Variants in PCDHA10 observed in about 807,000 individuals in gnomAD.
The protein encoded by PCDHA10 is protocadherin alpha-10.
PCDHA10 carries 45 observed loss-of-function variants against 61.2 expected under a neutral mutation model. The observed-to-expected ratio is 0.74, with a 90% CI of 0.58 to 0.94. The LOEUF is 0.94. Ranked by LOEUF, PCDHA10 falls within the 40% of genes least tolerant of loss-of-function variation. The pLI is 0.00. For missense variants in PCDHA10, 1,278 were observed against 1,236.2 expected (o/e 1.03, Z -0.51); for synonymous variants, 602 against 548.8 (o/e 1.10, Z -1.35).
intron 1 of PCDHA10, among the ~76,000 whole-genome samples, chr5:140,910,377 C>T (rs1053075333): frequency 6.6e-6 from 1 of 152,244 alleles, no homozygotes; most frequent in East Asian, 1.9e-4. Flanking sequence ...GCCCACCTTG[C>T]CTTTGACAGT....
chr5:140,992,017 C>CTGTGTGTGTGTG (rs10602499), intron 3 of PCDHA10, among the ~76,000 whole-genome samples: 10 of 145,628 alleles, frequency 6.9e-5, no homozygotes, highest in African/African-American at 2.3e-4. Flanking sequence ...AGAGGTGGCT[C>CTGTGTGTGTGTG]TGTGTGTGTG....
chr5:140,919,455 ATGT>A (rs2079137711), intron 1 of PCDHA10, among the ~76,000 whole-genome samples: 1 of 152,118 alleles, frequency 6.6e-6, no homozygotes, highest in Admixed American at 6.5e-5. Flanking sequence ...TATTCACATG[ATGT>A]TACTATTGAT....
chr5:140,898,843 C>G (rs1449030828), intron 1 of PCDHA10, among the ~76,000 whole-genome samples: 17 of 152,100 alleles, frequency 1.1e-4, no homozygotes, highest in Non-Finnish European at 1.3e-4. Context: ...TCTTCCATTT[C>G]TTTGTATCCT....
chr5:140,981,603 C>T (rs1213864255), intron 2 of PCDHA10, among the ~76,000 whole-genome samples: 4 of 152,052 alleles, frequency 2.6e-5, no homozygotes, highest in Non-Finnish European at 5.9e-5. Context: ...CAAAATGTTC[C>T]TCTAATTTTG....
chr5:140,938,014 T>C (rs1554211943), intron 1 of PCDHA10, among the ~76,000 whole-genome samples: 6 of 152,220 alleles, frequency 3.9e-5, no homozygotes. Context: ...TCTTGCTAAA[T>C]AGTAAAATCT....
intron 2 of PCDHA10, among the ~76,000 whole-genome samples, chr5:140,981,605 C>CT (rs1444386694): frequency 1.1e-4 from 17 of 152,174 alleles, no homozygotes; most frequent in African/African-American, 2.9e-4. Context: ...AAATGTTCCT[C>CT]TAATTTTGAT....
chr5:140,916,229 A>G (rs2077489205), intron 1 of PCDHA10, among the ~76,000 whole-genome samples: 2 of 152,190 alleles, frequency 1.3e-5, no homozygotes, highest in African/African-American at 4.8e-5. Flanking sequence ...TATGCTTTCC[A>G]GGAGCCAAAG....
chr5:140,879,064 G>C (rs1389510074), intron 1 of PCDHA10, among the ~76,000 whole-genome samples: 1 of 152,214 alleles, frequency 6.6e-6, no homozygotes, highest in South Asian at 2.1e-4. Flanking sequence ...TACCAAGAAA[G>C]TGTTAAGAGA....
At chr5:140,974,426 G>T (rs1417085676) in intron 1 of PCDHA10, among the ~76,000 whole-genome samples, 1 of 152,152 alleles carries the variant, frequency 6.6e-6, no homozygotes, top group Non-Finnish European at 1.5e-5. Flanking sequence ...TTACTTTCCT[G>T]GTTTGTAAAT....
chr5:140,924,830 G>A (rs1240824600), intron 1 of PCDHA10, among the ~76,000 whole-genome samples: 1 of 151,612 alleles, frequency 6.6e-6, no homozygotes, highest in African/African-American at 2.4e-5. Flanking sequence ...GGGAGGGGGA[G>A]GTTGCAGGGA....
intron 1 of PCDHA10, among the ~76,000 whole-genome samples, chr5:140,952,656 T>A (rs1554220534): frequency 6.6e-6 from 1 of 152,188 alleles, no homozygotes; most frequent in Admixed American, 6.5e-5. Flanking sequence ...GTTACCCAGT[T>A]CCAAAGTCAC....
At chr5:140,869,479 A>G (rs781927972) in intron 1 of PCDHA10, 35 of 1,614,086 alleles carry the variant, frequency 2.2e-5, no homozygotes, top group Middle Eastern at 1.6e-4. Context: ...GGTGAAGGAC[A>G]TTAACGACAA....
At position 140,920,535 on chromosome 5, in the gene PCDHA10, T is replaced by C. The variant is rs75447697; in HGVS notation, c.2389-58414T>C. ...TATGCAATTCGTTAGACTCAGGTTT[T>C]CTATTTCACCTTCGAAGTGTGGCCC... is the stretch of plus-strand genomic sequence containing the variant. On this transcript the variant is annotated intron_variant, in intron 1 of 3. Transcript: ENST00000307360. Among the ~76,000 whole-genome samples the C allele has an allele frequency of 1.3e-3, 198 of 152,336 alleles. 1 individual carries two copies. Among genetic ancestry groups the C allele is most frequent in the African/African-American group, 4.5e-3 (189 of 41,590 alleles).
intron 1 of PCDHA10, chr5:140,927,596 G>A (rs374002981): frequency 2.5e-6 from 4 of 1,614,044 alleles, no homozygotes; most frequent in African/African-American, 2.7e-5. Context: ...GTATTTGAGC[G>A]CTCCGTATAC....
Position 140,883,460 on chromosome 5 carries a change from G to C in PCDHA10, c.2388+25024G>C, listed in dbSNP as rs1554178305. 4 of 1,614,138 alleles carry C rather than the reference G, an allele frequency of 2.5e-6. No individual in the cohort carries two copies. The African/African-American group carries it at 5.3e-5, about 22-fold the overall frequency. On this transcript the variant is annotated intron_variant, in intron 1 of 3. Transcript: ENST00000307360. Reference sequence around the variant, plus strand: ...GACGCCGCATGTCCCCTTCAAGCTGGTGTCCACCTACAAGAACTACTACTC... The same window carrying C: ...GACGCCGCATGTCCCCTTCAAGCTGCTGTCCACCTACAAGAACTACTACTC...
At chr5:140,955,522 C>A (rs1467341493) in intron 1 of PCDHA10, among the ~76,000 whole-genome samples, 5 of 152,180 alleles carry the variant, frequency 3.3e-5, no homozygotes, top group African/African-American at 1.2e-4. Context: ...GCTTTCCCTT[C>A]CACCATGATT....
At position 140,858,183 on chromosome 5, in the gene PCDHA10, C is replaced by T. The variant is rs1417282608; in HGVS notation, c.2135C>T (p.Thr712Met). The T allele has an allele frequency of 1.1e-5, 17 of 1,597,392 alleles. 4 individuals carry two copies. The highest frequency in any genetic ancestry group is 5.5e-5 in the South Asian group (5 of 90,536). Residue 712 changes from threonine (T) to methionine (M), a missense_variant, in exon 1 of 4, where the codon ACG (threonine) becomes ATG (methionine). Transcript: ENST00000307360. ...GCGGTGTCCAGCTTGCTGGTGCTCA[C>T]GCTGCTGCTGTACACTGCACTGAGG... ...ICAVSSLLVLTLLLYTALRCS... is the reference protein window; with the variant it reads ...ICAVSSLLVLMLLLYTALRCS...
intron 1 of PCDHA10, among the ~76,000 whole-genome samples, chr5:140,944,182 G>T (rs542395513): frequency 1.3e-5 from 2 of 152,052 alleles, no homozygotes; most frequent in South Asian, 2.1e-4. Flanking sequence ...TTTTTTGTTG[G>T]TTTGTTTTGT....
intron 1 of PCDHA10, among the ~76,000 whole-genome samples, chr5:140,942,347 G>T (rs2093273719): frequency 6.6e-6 from 1 of 151,956 alleles, no homozygotes; most frequent in Non-Finnish European, 1.5e-5. Flanking sequence ...GGGAGGCGGA[G>T]GTTGCAGTTA....
Sources: gnomAD v4.1 joint callset for allele counts (sites outside exome capture counted in the v4.1 genomes callset) on GRCh38, gnomAD v4.1.1 for gene constraint, MANE v1.5 for transcripts, NCBI Gene and HGNC (gene_info 2026-07-23, HGNC 2026-07-21) for gene names.